STX11: variants seen among roughly 807,000 people sequenced by gnomAD.
The protein encoded by STX11 is syntaxin-11.
STX11 carries 21 observed loss-of-function variants against 19.9 expected under a neutral mutation model. The ratio of observed to expected loss-of-function variants is 1.06; its 90% CI spans 0.75 to 1.52. The LOEUF (loss-of-function observed/expected upper bound fraction) is 1.52, where lower values mean the gene tolerates loss of function less well. Among genes scored for constraint, STX11 ranks in the 40% most tolerant of loss-of-function variants. STX11 has a pLI of 0.00. For synonymous variants in STX11, 193 were observed against 174.4 expected, an observed-to-expected ratio of 1.11 and a Z score of -0.84; for missense variants, 438 against 405.9, an observed-to-expected ratio of 1.08 and a Z score of -0.68.
At chr6:144,150,415 T>G (rs569186087), upstream of STX11, 3 of 888,340 alleles carry the variant, frequency 3.4e-6, no homozygotes, top group East Asian at 3.6e-4. Flanking sequence ...CCGCGCTCTG[T>G]GAGCCGGCTG....
chr6:144,142,662 A>G, the STX11 span, among the ~76,000 whole-genome samples: 1 of 152,212 alleles, frequency 6.6e-6, no homozygotes, highest in East Asian at 1.9e-4. Context: ...TAAGCCAGAC[A>G]TAGGCAAATT....
chr6:144,154,294 G>T lies in STX11; in HGVS notation c.-6+3591G>T, dbSNP rs962036394. On this transcript the variant is annotated intron_variant, in intron 1 of 1. Transcript: ENST00000367568. This position sits in a 1 kb window ranked among gnomAD's most constrained non-coding sequence, Gnocchi z 4.7. ...TTCTTCCTTATCCAAGAATGGCCTT[G>T]ATGCATAAGATGGGCCTTCAGTGTC... Among the ~76,000 whole-genome samples, 3 of 152,204 alleles carry T rather than the reference G, an allele frequency of 2.0e-5. No homozygotes were observed. The highest frequency in any genetic ancestry group is 4.4e-5 in the Non-Finnish European group (3 of 68,038).
rs1801596508 is a variant in STX11 at position 144,170,327 on chromosome 6, A to G, written c.-5-16296A>G. Among the ~76,000 whole-genome samples the G allele has an allele frequency of 6.6e-6, 1 of 152,190 alleles. No homozygotes were observed. The highest frequency in any genetic ancestry group is 6.5e-5 in the Admixed American group (1 of 15,280). ...GCATCCAGCCTGCTGCACACATGCCATTTTATTACCTTTTGTCTGTGTGTG... is the reference window on the plus strand; with the variant it reads ...GCATCCAGCCTGCTGCACACATGCCGTTTTATTACCTTTTGTCTGTGTGTG... On this transcript the variant is annotated intron_variant, in intron 1 of 1. Transcript: ENST00000367568. The surrounding 1 kb of genome is among the most constrained non-coding windows in gnomAD (Gnocchi z 4.7).
rs1339143795 is a variant in STX11, at chr6:144,177,001, C to T, written c.-5-9622C>T. Among the ~76,000 whole-genome samples, 4 of 152,224 alleles carry T rather than the reference C, an allele frequency of 2.6e-5. No homozygotes were observed. The highest frequency in any genetic ancestry group is 3.9e-4 in the East Asian group (2 of 5,180). Reference sequence around the variant, plus strand: ...GAATATTTTTTCTGGGAGAATTTAACAGGAGTAACCAGGCAATGAGACTAG... The same window carrying T: ...GAATATTTTTTCTGGGAGAATTTAATAGGAGTAACCAGGCAATGAGACTAG... On this transcript the variant is annotated intron_variant, in intron 1 of 1. Coordinates refer to ENST00000367568, the MANE Select transcript of STX11 (RefSeq NM_003764.4). This position sits in a 1 kb window ranked among gnomAD's most constrained non-coding sequence, Gnocchi z 4.4.
In STX11 at chr6:144,154,941, G is replaced by A. The variant is rs765271789; in HGVS notation, c.-6+4238G>A. On this transcript the variant is annotated intron_variant, in intron 1 of 1. Coordinates refer to ENST00000367568, the MANE Select transcript of STX11 (RefSeq NM_003764.4). This position sits in a 1 kb window ranked among gnomAD's most constrained non-coding sequence, Gnocchi z 4.7. ...TTTTGACCAACAACCCTGTCCACCC[G>A]CCCCCACCGCCTCCAAAAAAATGAT... is the stretch of plus-strand genomic sequence containing the variant. Among the ~76,000 whole-genome samples, 8 of 151,026 alleles carry A rather than the reference G, an allele frequency of 5.3e-5. No individual in the cohort carries two copies. Among genetic ancestry groups the A allele is most frequent in the Admixed American group, 1.3e-4 (2 of 15,216 alleles).
chr6:144,150,573 C>T lies in STX11; in HGVS notation c.-136C>T. Reference sequence around the variant, plus strand: ...GGCCGTGGAGGAACTCAGCCTCGGCCGCAGGAGGCGCCGGGAGCGGAGCCG... The same window carrying T: ...GGCCGTGGAGGAACTCAGCCTCGGCTGCAGGAGGCGCCGGGAGCGGAGCCG... On this transcript the variant is annotated 5_prime_UTR_variant, in exon 1 of 2. Coordinates refer to ENST00000367568, the MANE Select transcript of STX11 (RefSeq NM_003764.4). 2.0e-6 allele frequency: 2 copies of T among 985,430 alleles called. No individual in the cohort carries two copies. Among genetic ancestry groups the T allele is most frequent in the Non-Finnish European group, 2.4e-6 (2 of 829,944 alleles). The allele number at this position is 985,430 out of a possible 1,614,324, so 61.0% of individuals were successfully genotyped here.
chr6:144,174,615 G>A lies in STX11; in HGVS notation c.-5-12008G>A, dbSNP rs576981377. ...ACTCCTGGGCACAAGCGATCCACCC[G>A]CCTTGGCCTCCCAAGCCAGGATTAC... is the stretch of plus-strand genomic sequence containing the variant. On this transcript the variant is annotated intron_variant, in intron 1 of 1. Coordinates refer to ENST00000367568, the MANE Select transcript of STX11 (RefSeq NM_003764.4). The surrounding 1 kb of genome is among the most constrained non-coding windows in gnomAD (Gnocchi z 5.3). Among the ~76,000 whole-genome samples the A allele has an allele frequency of 1.1e-4, 16 of 152,170 alleles. No individual in the cohort carries two copies. Among genetic ancestry groups the A allele is most frequent in the South Asian group, 6.2e-4 (3 of 4,822 alleles).
chr6:144,185,044 G>A (rs1403334365), intron 1 of STX11, among the ~76,000 whole-genome samples: 2 of 152,138 alleles, frequency 1.3e-5, no homozygotes, highest in Non-Finnish European at 2.9e-5. Flanking sequence ...ACTGCTAGGA[G>A]AATCACCTTC....
chr6:144,151,260 T>C lies in STX11; in HGVS notation c.-6+557T>C, dbSNP rs746809527. 122 of 985,388 alleles carry C rather than the reference T, an allele frequency of 1.2e-4. No individual in the cohort carries two copies. Among genetic ancestry groups the C allele is most frequent in the Non-Finnish European group, 1.5e-4 (121 of 829,916 alleles). 61.0% of individuals were successfully genotyped at this position (985,388 alleles called of 1,614,324 possible). On this transcript the variant is annotated intron_variant, in intron 1 of 1. Coordinates refer to ENST00000367568, the MANE Select transcript of STX11 (RefSeq NM_003764.4). This position sits in a 1 kb window ranked among gnomAD's most constrained non-coding sequence, Gnocchi z 4.6. ...GAAACATGGAGAGAAGTAGTGGCAA[T>C]GCCTGCGAGAGCCACGCCGTCCTGA...
At chr6:144,186,556 T>C in intron 1 of STX11, 67 bp from the exon 2 acceptor site, 1 of 1,607,786 alleles carries the variant, frequency 6.2e-7, no homozygotes, top group Non-Finnish European at 8.5e-7. Flanking sequence ...TGTTTAAGTT[T>C]CAATCCCTTG....
rs2128751416 is a variant in STX11 at position 144,170,233 on chromosome 6, A to T, written c.-5-16390A>T. 6.6e-6 allele frequency among the ~76,000 whole-genome samples: 1 copy of T among 152,324 alleles called. No individual in the cohort carries two copies. The highest frequency in any genetic ancestry group is 2.1e-4 in the South Asian group (1 of 4,826). On this transcript the variant is annotated intron_variant, in intron 1 of 1. Coordinates refer to ENST00000367568, the MANE Select transcript of STX11 (RefSeq NM_003764.4). This position sits in a 1 kb window ranked among gnomAD's most constrained non-coding sequence, Gnocchi z 4.7. ...AAATGTCAGAGCAGAGTATAAGCAA[A>T]GAGTCATAGTGATTAATACCTGAAG...
At chr6:144,168,145 G>T (rs559898140) in intron 1 of STX11, among the ~76,000 whole-genome samples, 5 of 152,302 alleles carry the variant, frequency 3.3e-5, no homozygotes, top group Admixed American at 1.3e-4. Context: ...TTTTTTGTAG[G>T]TGAGAAGAAA....
the STX11 span, among the ~76,000 whole-genome samples, chr6:144,141,021 G>C: frequency 3.3e-5 from 5 of 152,178 alleles, no homozygotes; most frequent in East Asian, 7.7e-4. Flanking sequence ...TTCTGTTTGT[G>C]CTTTTCCGTT....
the STX11 span, among the ~76,000 whole-genome samples, chr6:144,142,535 TG>T: frequency 2.2e-3 from 340 of 152,310 alleles, 6 homozygotes; most frequent in East Asian, 0.046. Context: ...TTTACATTTA[TG>T]GGATAAAGAA....
intron 1 of STX11, among the ~76,000 whole-genome samples, chr6:144,168,424 C>G (rs1330694263): frequency 6.6e-6 from 1 of 152,182 alleles, no homozygotes; most frequent in African/African-American, 2.4e-5. Context: ...TTCCTTGTCA[C>G]TATTATCACA....
the STX11 span, among the ~76,000 whole-genome samples, chr6:144,140,223 T>C: frequency 1.1e-4 from 4 of 35,950 alleles, no homozygotes; most frequent in South Asian, 6.7e-4. Context: ...TATATATATA[T>C]ATATATATAT....
intron 1 of STX11, among the ~76,000 whole-genome samples, chr6:144,179,042 G>C (rs914558845): frequency 6.6e-6 from 1 of 152,156 alleles, no homozygotes; most frequent in Non-Finnish European, 1.5e-5. Flanking sequence ...ACAGTTCCAC[G>C]TGGCTGGGGA....
intron 1 of STX11, among the ~76,000 whole-genome samples, chr6:144,185,035 C>T (rs567418366): frequency 6.6e-6 from 1 of 152,186 alleles, no homozygotes; most frequent in Non-Finnish European, 1.5e-5. Context: ...GTCAACCATA[C>T]TGCTAGGAGA....
At chr6:144,142,566 A>G in the STX11 span, among the ~76,000 whole-genome samples, 2 of 152,254 alleles carry the variant, frequency 1.3e-5, no homozygotes, top group African/African-American at 4.8e-5. Flanking sequence ...TATAAACACA[A>G]TGGAATACTA....
Sources: allele counts gnomAD v4.1 joint callset (sites outside exome capture counted in the v4.1 genomes callset), GRCh38; gene constraint gnomAD v4.1.1; non-coding constraint Gnocchi (gnomAD v3.1); transcripts MANE v1.5; gene names NCBI Gene and HGNC (gene_info 2026-07-23, HGNC 2026-07-21).